PRUNE2: variants seen among roughly 807,000 people sequenced by gnomAD.
PRUNE2 encodes the protein protein prune homolog 2.
In PRUNE2, 164 loss-of-function variants were observed where a neutral mutation model predicts 252.0. The observed-to-expected ratio is 0.65, with a 90% confidence interval of 0.57 to 0.74. PRUNE2 has a LOEUF of 0.74. PRUNE2 is among the 30% of genes least tolerant of loss of function. The pLI, the probability that PRUNE2 is intolerant of heterozygous loss-of-function variation, is 0.00. For synonymous variants in PRUNE2, 1,292 were observed against 1,350.2 expected (o/e 0.96, Z 0.94); for missense variants, 3,495 against 3,711.0 (o/e 0.94, Z 1.51).
chr9:76,732,745 T>A (rs540805892), intron 6 of PRUNE2, among the ~76,000 whole-genome samples: 2 of 152,340 alleles, frequency 1.3e-5, no homozygotes, highest in East Asian at 3.9e-4. Flanking sequence ...GACAGCTCTG[T>A]CTGAGCTGGA....
intron 1 of PRUNE2, chr9:76,856,723 T>C (rs2132690612): frequency 5.0e-6 from 1 of 199,556 alleles, no homozygotes; most frequent in East Asian, 1.5e-4. Context: ...ATTTTGAGGG[T>C]TCTCCTTGGT....
intron 9 of PRUNE2, among the ~76,000 whole-genome samples, chr9:76,701,725 A>G (rs1477564593): frequency 6.6e-6 from 1 of 152,230 alleles, no homozygotes; most frequent in Non-Finnish European, 1.5e-5. Context: ...CCCCTTCTGC[A>G]CTTGGCTAAT....
intron 6 of PRUNE2, among the ~76,000 whole-genome samples, chr9:76,746,113 A>G (rs779711086): frequency 4.6e-5 from 7 of 152,182 alleles, no homozygotes; most frequent in Non-Finnish European, 8.8e-5. Flanking sequence ...GATATTGTGA[A>G]GTATGTGTGG....
At chr9:76,799,232 T>G (rs1376805745) in intron 6 of PRUNE2, among the ~76,000 whole-genome samples, 1 of 150,828 alleles carries the variant, frequency 6.6e-6, no homozygotes, top group South Asian at 2.1e-4. Context: ...TCCCAGCTAC[T>G]CCAAAGGCTG....
intron 6 of PRUNE2, among the ~76,000 whole-genome samples, chr9:76,749,147 G>A (rs1355344509): frequency 6.6e-6 from 1 of 152,210 alleles, no homozygotes; most frequent in African/African-American, 2.4e-5. Flanking sequence ...AGAAACTAAA[G>A]ATTACACTGT....
In PRUNE2 at chr9:76,665,116, T is replaced by TCTTAAC. The variant is rs1253451854; in HGVS notation, c.8277-9620_8277-9615dup. 8.5e-5 allele frequency among the ~76,000 whole-genome samples: 13 copies of TCTTAAC among 152,326 alleles called. No individual in the cohort carries two copies. In the South Asian group the frequency reaches 1.2e-3, roughly 15 times the overall value. On this transcript the variant is annotated intron_variant, in intron 9 of 18. Transcript: ENST00000376718. The stretch of plus-strand genomic sequence containing the variant: ...AAATTATAACTAATATCCTTCTTCA[T>TCTTAAC]CTTAACCTTGACACCACCTTCTTGT...
At position 76,704,999 on chromosome 9, in the gene PRUNE2, T is replaced by G. The variant is rs1588703809; in HGVS notation, c.7275A>C (p.Arg2425Ser). The change falls in exon 8 of 19, where the codon AGA becomes AGC. Residue 2425 changes from arginine (R) to serine (S), a missense_variant. Transcript: ENST00000376718. ...GSPEDESLGCRAAEIVLSALP... is the reference protein window; with the variant it reads ...GSPEDESLGCSAAEIVLSALP... The stretch of plus-strand genomic sequence containing the variant: ...GTGCAGAAAGCACTATCTCTGCTGC[T>G]CTGCATCCCAGAGATTCATCCTCTG... The G allele has an allele frequency of 1.9e-6, 3 of 1,613,916 alleles. No homozygotes were observed. The highest frequency in any genetic ancestry group is 2.5e-6 in the Non-Finnish European group (3 of 1,179,844).
intron 9 of PRUNE2, among the ~76,000 whole-genome samples, chr9:76,670,807 G>T (rs982351361): frequency 3.1e-4 from 47 of 151,640 alleles, no homozygotes; most frequent in African/African-American, 9.7e-4. Context: ...CACCTCACAC[G>T]GCAGGGTACT....
chr9:76,804,073 C>G (rs1006294907), intron 6 of PRUNE2, among the ~76,000 whole-genome samples: 7 of 152,178 alleles, frequency 4.6e-5, no homozygotes, highest in Admixed American at 2.0e-4. Context: ...CACTGCCTCT[C>G]TCACACATGG....
chr9:76,630,309 C>A lies in PRUNE2; in HGVS notation c.9051-1019G>T, dbSNP rs1402308127. 5.4e-5 allele frequency among the ~76,000 whole-genome samples: 8 copies of A among 148,726 alleles called. No individual in the cohort carries two copies. In the East Asian group the frequency reaches 1.6e-3, roughly 29 times the overall value. ...AGGTTGAACGTTTATTCTGGATGAA[C>A]CAACATTCAAAAATATGTTCCAATA... On this transcript the variant is annotated intron_variant, in intron 15 of 18. Transcript: ENST00000376718.
chr9:76,838,421 G>C (rs1397216556), intron 4 of PRUNE2, among the ~76,000 whole-genome samples: 2 of 151,944 alleles, frequency 1.3e-5, no homozygotes, highest in African/African-American at 4.8e-5. Context: ...GAGGCAGGTG[G>C]ATCACTTGAG....
At chr9:76,761,117 G>T (rs1363213704) in intron 6 of PRUNE2, among the ~76,000 whole-genome samples, 1 of 151,160 alleles carries the variant, frequency 6.6e-6, no homozygotes, top group Non-Finnish European at 1.5e-5. Context: ...CTCAACAGAG[G>T]TTTGCTGAAT....
chr9:76,635,861 A>G (rs1218137445), intron 15 of PRUNE2, among the ~76,000 whole-genome samples: 1 of 152,220 alleles, frequency 6.6e-6, no homozygotes, highest in Non-Finnish European at 1.5e-5. Context: ...TTATGAACAT[A>G]ACTTATTTTA....
At chr9:76,721,367 T>C (rs576883470) in intron 6 of PRUNE2, among the ~76,000 whole-genome samples, 1 of 152,308 alleles carries the variant, frequency 6.6e-6, no homozygotes, top group African/African-American at 2.4e-5. Context: ...ACTTCCCACA[T>C]AGGTCAAGCA....
At chr9:76,787,000 C>T (rs901070412) in intron 6 of PRUNE2, 1 of 152,162 alleles carries the variant, frequency 6.6e-6, no homozygotes, top group Non-Finnish European at 1.5e-5. Context: ...AGGAGCAAGA[C>T]CTGAGATGCT....
chr9:76,650,716 C>A (rs1847052072), intron 11 of PRUNE2, among the ~76,000 whole-genome samples: 1 of 152,172 alleles, frequency 6.6e-6, no homozygotes, highest in African/African-American at 2.4e-5. Flanking sequence ...GGGTTGTGGC[C>A]ATTAAACTGG....
At chr9:76,691,956 TCCCGTCTCC>T in intron 9 of PRUNE2, 1 of 661,274 alleles carries the variant, frequency 1.5e-6, no homozygotes, top group Non-Finnish European at 2.8e-6. Context: ...CTCATCCCCC[TCCCGTCTCC>T]CCCGCCAACT....
At chr9:76,672,077 T>A (rs1321462509) in intron 9 of PRUNE2, among the ~76,000 whole-genome samples, 1 of 151,664 alleles carries the variant, frequency 6.6e-6, no homozygotes, top group East Asian at 1.9e-4. Flanking sequence ...GTCAATGGAC[T>A]AAATGCTCCA....
intron 9 of PRUNE2, among the ~76,000 whole-genome samples, chr9:76,665,030 A>AT (rs1016308114): frequency 8.6e-5 from 13 of 151,890 alleles, no homozygotes; most frequent in Admixed American, 7.2e-4. Context: ...GTTCAAGTTC[A>AT]TTTTTTTCAT....
Sources: allele counts gnomAD v4.1 joint callset (sites outside exome capture counted in the v4.1 genomes callset), GRCh38; gene constraint gnomAD v4.1.1; transcripts MANE v1.5; gene names NCBI Gene and HGNC (gene_info 2026-07-23, HGNC 2026-07-21).